Variants in OPN5 observed in about 807,000 individuals in gnomAD.
The protein encoded by OPN5 is opsin 5.
Under a neutral mutation model 41.7 loss-of-function variants are expected in OPN5, and 18 were observed. That is an observed-to-expected ratio of 0.43 (90% confidence interval 0.30 to 0.64). OPN5 has a LOEUF of 0.64. OPN5 is among the 30% of genes least tolerant of loss of function. OPN5 has a pLI of 0.13. For synonymous variants in OPN5, 178 were observed against 164.3 expected (o/e 1.08, Z -0.64); for missense variants, 318 against 434.5 (o/e 0.73, Z 2.38).
At chr6:47,821,564 A>G (rs545859910) in intron 6 of OPN5, among the ~76,000 whole-genome samples, 1 of 152,378 alleles carries the variant, frequency 6.6e-6, no homozygotes, top group African/African-American at 2.4e-5. Context: ...CATCATGGTC[A>G]ATAATTTTCA....
chr6:47,797,243 A>G (rs1282989562), intron 4 of OPN5, among the ~76,000 whole-genome samples: 1 of 152,202 alleles, frequency 6.6e-6, no homozygotes, highest in Non-Finnish European at 1.5e-5. Flanking sequence ...TGCCAAGTAG[A>G]GGAAGCTTTG....
intron 4 of OPN5, among the ~76,000 whole-genome samples, chr6:47,801,716 A>G (rs1773781381): frequency 6.6e-6 from 1 of 152,028 alleles, no homozygotes; most frequent in Non-Finnish European, 1.5e-5. Flanking sequence ...TTTTTAATTA[A>G]TTTACGATTT....
chr6:47,808,603 G>GTGATTCTTT (rs1015384998), intron 5 of OPN5, among the ~76,000 whole-genome samples: 1 of 152,212 alleles, frequency 6.6e-6, no homozygotes, highest in Non-Finnish European at 1.5e-5. Context: ...ATAGTGAGAA[G>GTGATTCTTT]TGATTCTTTT....
At chr6:47,803,603 T>G (rs1773856416) in intron 4 of OPN5, among the ~76,000 whole-genome samples, 1 of 152,214 alleles carries the variant, frequency 6.6e-6, no homozygotes, top group South Asian at 2.1e-4. Flanking sequence ...TCAATCTTGT[T>G]ATTGATGGGG....
chr6:47,786,949 C>G (rs556429275), intron 2 of OPN5: 1 of 449,432 alleles, frequency 2.2e-6, no homozygotes, highest in Non-Finnish European at 3.1e-6. Flanking sequence ...AATCAGAAAT[C>G]AGGAGGCAAA....
At position 47,810,879 on chromosome 6, in the gene OPN5, C is replaced by A. The variant is rs1774165444; in HGVS notation, c.999-795C>A. Among the ~76,000 whole-genome samples the A allele has an allele frequency of 3.3e-5, 5 of 152,112 alleles. 1 individual carries two copies. In the South Asian group the frequency reaches 1.0e-3, roughly 32 times the overall value. On this transcript the variant is annotated intron_variant, in intron 5 of 6. Coordinates refer to ENST00000371211, the Ensembl canonical transcript of OPN5. ...CACCCTGGCTGTGTAATGGAGACACCTGGGGAATTTTGAAAAATGACTGCT... is the reference window on the plus strand; with the variant it reads ...CACCCTGGCTGTGTAATGGAGACACATGGGGAATTTTGAAAAATGACTGCT...
chr6:47,825,687 T>C (rs1429187015), downstream of OPN5: 1 of 152,190 alleles, frequency 6.6e-6, no homozygotes, highest in Non-Finnish European at 1.5e-5. Context: ...TAGTAGCACA[T>C]CTGGCAGGAA....
At position 47,820,059 on chromosome 6, in the gene OPN5, G is replaced by A. The variant is rs34912998; in HGVS notation, c.1057-3924G>A. On this transcript the variant is annotated intron_variant, in intron 6 of 6. Transcript: ENST00000371211. ...GTTGCTCTATTCAATGCCTGTTTTTGTAAATAAAGTTTTAATGGAACACAA... is the reference window on the plus strand; with the variant it reads ...GTTGCTCTATTCAATGCCTGTTTTTATAAATAAAGTTTTAATGGAACACAA... Among the ~76,000 whole-genome samples, 1,082 of 151,944 alleles carry A rather than the reference G, an allele frequency of 7.1e-3. 9 individuals are homozygous for A. The highest frequency in any genetic ancestry group is 0.016 in the Admixed American group (244 of 15,242).
rs747620464 is a variant in OPN5 at position 47,787,178 on chromosome 6, A to G, written c.250+544A>G. ...CACAAGCATAGGAAGCTTCTGGTTC[A>G]GTGGTCCTCAAATGCAACTCACAAA... On this transcript the variant is annotated intron_variant, in intron 2 of 6. Coordinates refer to ENST00000371211, the Ensembl canonical transcript of OPN5. 2.6e-3 allele frequency: 2,545 copies of G among 983,968 alleles called. 5 individuals are homozygous for G. The highest frequency in any genetic ancestry group is 2.9e-3 in the Non-Finnish European group (2,397 of 828,674). 61.0% of individuals were successfully genotyped at this position (983,968 alleles called of 1,614,324 possible).
chr6:47,813,417 A>C (rs1009946636), intron 6 of OPN5, among the ~76,000 whole-genome samples: 2 of 152,196 alleles, frequency 1.3e-5, no homozygotes, highest in African/African-American at 2.4e-5. Context: ...TGCCGGTGAT[A>C]GAGAAGCACC....
chr6:47,825,622 A>T (rs1762769575), downstream of OPN5: 1 of 152,224 alleles, frequency 6.6e-6, no homozygotes, highest in Non-Finnish European at 1.5e-5. Flanking sequence ...AGTCTCTGTT[A>T]TTCAAGAACT....
chr6:47,798,367 A>G (rs1773645891), intron 4 of OPN5, among the ~76,000 whole-genome samples: 1 of 151,806 alleles, frequency 6.6e-6, no homozygotes, highest in South Asian at 2.1e-4. Flanking sequence ...AGGTCATTAT[A>G]CATATGAGGT....
At chr6:47,806,085 G>A (rs1773948699) in intron 4 of OPN5, among the ~76,000 whole-genome samples, 1 of 151,944 alleles carries the variant, frequency 6.6e-6, no homozygotes, top group Non-Finnish European at 1.5e-5. Flanking sequence ...ACTTCATAAA[G>A]CAGCCTAGCA....
chr6:47,782,198 T>C lies in OPN5; in HGVS notation c.130+2T>C. The C allele has an allele frequency of 6.2e-7, 1 of 1,612,680 alleles. No homozygotes were observed. The highest frequency in any genetic ancestry group is 8.5e-7 in the Non-Finnish European group (1 of 1,179,466). On this transcript the variant is annotated splice_donor_variant, in intron 1 of 6. Transcript: ENST00000371211. LOFTEE classifies it high-confidence loss of function. The stretch of plus-strand genomic sequence containing the variant: ...CTGGCTTTTACCTAACAATAATTGG[T>C]AAGCTTCCTTAATTCTTCTGTGCAA...
intron 1 of OPN5, 83 bp from the exon 2 acceptor site, chr6:47,786,432 T>C: frequency 8.9e-7 from 1 of 1,124,842 alleles, no homozygotes; most frequent in South Asian, 1.4e-5. Context: ...ATGGTGTCCA[T>C]TTTTGAAGTT....
chr6:47,786,562 A>G (rs140514652), exon 2 of OPN5: 42 of 1,606,152 alleles, frequency 2.6e-5, no homozygotes, highest in Non-Finnish European at 3.1e-5. Context: ...CATGTCTTCT[A>G]GACGAAAGAA....
intron 3 of OPN5, among the ~76,000 whole-genome samples, chr6:47,793,105 ACGTCAAC>A (rs1285258681): frequency 6.6e-6 from 1 of 151,880 alleles, no homozygotes; most frequent in Non-Finnish European, 1.5e-5. Flanking sequence ...ATTCTGTGTG[ACGTCAAC>A]ATCTAATTCT....
chr6:47,788,213 C>T (rs1169931165), intron 2 of OPN5, among the ~76,000 whole-genome samples: 2 of 152,228 alleles, frequency 1.3e-5, no homozygotes, highest in Non-Finnish European at 2.9e-5. Flanking sequence ...GCCATTTTTA[C>T]CTGTTGCCAC....
chr6:47,813,536 G>GA (rs2113997782), intron 6 of OPN5, among the ~76,000 whole-genome samples: 1 of 152,242 alleles, frequency 6.6e-6, no homozygotes, highest in East Asian at 1.9e-4. Flanking sequence ...CAAAGGCTTT[G>GA]TTGTTTATGC....
Sources: allele counts gnomAD v4.1 joint callset (sites outside exome capture counted in the v4.1 genomes callset), GRCh38; gene constraint gnomAD v4.1.1; transcripts MANE v1.5; gene names NCBI Gene and HGNC (gene_info 2026-07-23, HGNC 2026-07-21).